Variants in THADA observed in about 807,000 individuals in gnomAD.
THADA encodes THADA armadillo repeat containing.
Under a neutral mutation model 219.8 loss-of-function variants are expected in THADA, and 213 were observed. The observed-to-expected ratio is 0.97, with a 90% CI of 0.87 to 1.09. THADA has a LOEUF of 1.09. THADA is among the 50% of genes least tolerant of loss of function. THADA has a pLI of 0.00. For synonymous variants in THADA, 1,018 were observed against 828.9 expected, an observed-to-expected ratio of 1.23 and a Z score of -3.92; for missense variants, 2,956 against 2,311.3, an observed-to-expected ratio of 1.28 and a Z score of -5.72.
chr2:43,485,705 CA>C (rs1405961249), intron 25 of THADA, among the ~76,000 whole-genome samples: 1 of 151,944 alleles, frequency 6.6e-6, no homozygotes. Flanking sequence ...TTTCTGAAAT[CA>C]TTTTACCTAC....
At chr2:43,304,673 AT>A (rs11387621) in intron 31 of THADA, among the ~76,000 whole-genome samples, 214 of 140,338 alleles carry the variant, frequency 1.5e-3, no homozygotes, top group Admixed American at 2.3e-3. Context: ...AGCAGACTTC[AT>A]TTTTTTTTTT....
intron 26 of THADA, among the ~76,000 whole-genome samples, chr2:43,459,235 G>A (rs1019237082): frequency 2.0e-5 from 3 of 152,076 alleles, no homozygotes; most frequent in African/African-American, 4.8e-5. Context: ...ACTTTTGCAC[G>A]GGAGCAGTCA....
chr2:43,510,861 C>T (rs555097609), intron 22 of THADA, among the ~76,000 whole-genome samples: 22 of 151,670 alleles, frequency 1.5e-4, no homozygotes, highest in Non-Finnish European at 2.8e-4. Flanking sequence ...ATCCCAGCTA[C>T]TCGGGAGGCT....
At chr2:43,426,095 A>C (rs1444907177) in intron 28 of THADA, among the ~76,000 whole-genome samples, 1 of 152,230 alleles carries the variant, frequency 6.6e-6, no homozygotes, top group African/African-American at 2.4e-5. Context: ...AGAGGTTAAC[A>C]AATGATGCCC....
intron 26 of THADA, among the ~76,000 whole-genome samples, chr2:43,470,192 G>A (rs1441830418): frequency 1.6e-4 from 23 of 145,352 alleles, no homozygotes; most frequent in Non-Finnish European, 3.0e-5. Flanking sequence ...TGGGTGACAC[G>A]GTGAGACCTT....
intron 19 of THADA, 114 bp from the exon 20 acceptor site, chr2:43,549,482 A>G (rs1696496317): frequency 1.9e-6 from 2 of 1,051,714 alleles, no homozygotes; most frequent in Admixed American, 6.5e-5. Flanking sequence ...AATCAGCTTT[A>G]TTAGAAGGGA....
At position 43,590,809 on chromosome 2, in the gene THADA, T is replaced by G. The variant is rs761681098; in HGVS notation, c.302+15A>C. 1 of 1,602,540 alleles carries G rather than the reference T, an allele frequency of 6.2e-7. No homozygotes were observed. The highest frequency in any genetic ancestry group is 8.5e-7 in the Non-Finnish European group (1 of 1,175,730). ...AACATTTATAACACCCAACTTCCCTTCCTTTTTTTCTTACCTTGCCAATAC... is the reference window on the plus strand; with the variant it reads ...AACATTTATAACACCCAACTTCCCTGCCTTTTTTTCTTACCTTGCCAATAC... On this transcript the variant is annotated intron_variant, in intron 4 of 37. Transcript: ENST00000405975.
Position 43,551,906 on chromosome 2 carries a change from C to G in THADA, c.2830G>C (p.Glu944Gln). Residue 944 changes from glutamate (E) to glutamine (Q), a missense_variant, in exon 19 of 38, where the codon GAG becomes CAG. Glu to Gln is a conservative substitution (Grantham distance 29). Coordinates refer to ENST00000405975, the MANE Select transcript of THADA (RefSeq NM_022065.5). The stretch of plus-strand genomic sequence containing the variant: ...AGCTTCTCTACCACAGGTCTCCACT[C>G]GCTCACCAACTGCAGGCTGCTGCAA... ...LSLNSLQLVS[E>Q]WRPVVEKLLL... 1 of 1,613,336 alleles carries G rather than the reference C, an allele frequency of 6.2e-7. No individual in the cohort carries two copies. Among genetic ancestry groups the G allele is most frequent in the Non-Finnish European group, 8.5e-7 (1 of 1,179,722 alleles).
At chr2:43,233,655 A>C (rs1270963264) in intron 36 of THADA, among the ~76,000 whole-genome samples, 7 of 152,064 alleles carry the variant, frequency 4.6e-5, no homozygotes, top group Non-Finnish European at 1.0e-4. Context: ...GAAAGAATAG[A>C]AGGGTGCAGA....
intron 30 of THADA, among the ~76,000 whole-genome samples, chr2:43,324,854 G>A (rs1030544875): frequency 6.6e-5 from 10 of 152,070 alleles, no homozygotes; most frequent in African/African-American, 2.2e-4. Context: ...TCCTGGCATG[G>A]AGCACAGCAT....
chr2:43,356,842 G>A (rs1668917938), intron 29 of THADA, among the ~76,000 whole-genome samples: 1 of 152,088 alleles, frequency 6.6e-6, no homozygotes, highest in African/African-American at 2.4e-5. Context: ...TGTGCCTACT[G>A]GATACTTCAT....
intron 29 of THADA, among the ~76,000 whole-genome samples, chr2:43,362,179 G>A (rs1199473463): frequency 1.3e-5 from 2 of 152,172 alleles, no homozygotes; most frequent in African/African-American, 4.8e-5. Context: ...CTTATTCAAA[G>A]GAAGCAAAGC....
chr2:43,326,681 C>T (rs979864906), intron 30 of THADA, among the ~76,000 whole-genome samples: 12 of 151,990 alleles, frequency 7.9e-5, no homozygotes, highest in African/African-American at 2.9e-4. Flanking sequence ...TCAACAGGGG[C>T]CCGAAACAGA....
chr2:43,468,156 A>G (rs1379524714), intron 26 of THADA, among the ~76,000 whole-genome samples: 1 of 152,246 alleles, frequency 6.6e-6, no homozygotes, highest in Non-Finnish European at 1.5e-5. Flanking sequence ...ATAAATGAAA[A>G]TAGCCAGTCA....
At position 43,590,951 on chromosome 2, in the gene THADA, CAATCTAT is replaced by C. The variant is rs767909269; in HGVS notation, c.172-4_174del. The C allele has an allele frequency of 4.0e-5, 65 of 1,611,904 alleles. No homozygotes were observed. The highest frequency in any genetic ancestry group is 5.2e-5 in the Non-Finnish European group (61 of 1,178,770). On this transcript the variant is annotated splice_acceptor_variant and splice_polypyrimidine_tract_variant and coding_sequence_variant and intron_variant, in exon 4 of 38. Transcript: ENST00000405975. LOFTEE classifies it high-confidence loss of function. ...TTATCTGCTTTCTCCAGCAGAGGCA[CAATCTAT>C]AATACAAAACATTGAAGTAATTTTT...
chr2:43,523,093 C>A (rs1317443380), intron 22 of THADA, among the ~76,000 whole-genome samples: 1 of 152,064 alleles, frequency 6.6e-6, no homozygotes, highest in Non-Finnish European at 1.5e-5. Flanking sequence ...AGGCTGGGCG[C>A]GGTGGCTCAT....
chr2:43,446,303 A>G (rs7559842), intron 26 of THADA, among the ~76,000 whole-genome samples: 16,828 of 152,192 alleles, frequency 0.11, 1,069 homozygotes, highest in African/African-American at 0.16. Context: ...CCTTCGAAGA[A>G]GTGGGTCTAT....
chr2:43,270,643 T>C (rs554161260), intron 36 of THADA, among the ~76,000 whole-genome samples: 1 of 152,304 alleles, frequency 6.6e-6, no homozygotes, highest in Admixed American at 6.5e-5. Flanking sequence ...CTTATCTGCC[T>C]TGGGACGTTG....
chr2:43,485,864 C>CAAA (rs113474710), intron 25 of THADA, among the ~76,000 whole-genome samples: 1 of 134,558 alleles, frequency 7.4e-6, no homozygotes, highest in Admixed American at 7.5e-5. Context: ...ACCCCCATCT[C>CAAA]AAAAAAAAAA....
Sources: allele counts gnomAD v4.1 joint callset (sites outside exome capture counted in the v4.1 genomes callset), GRCh38; gene constraint gnomAD v4.1.1; transcripts MANE v1.5; gene names NCBI Gene and HGNC (gene_info 2026-07-23, HGNC 2026-07-21).